THSD4: variants seen among roughly 807,000 people sequenced by gnomAD.
The protein encoded by THSD4 is thrombospondin type-1 domain-containing protein 4.
A neutral mutation model predicts 119.0 loss-of-function variants in THSD4; 69 were observed. The ratio of observed to expected loss-of-function variants is 0.58; its 90% CI spans 0.48 to 0.71. The LOEUF (loss-of-function observed/expected upper bound fraction) is 0.71, where lower values mean the gene tolerates loss of function less well. THSD4 is among the 30% of genes least tolerant of loss of function. The pLI, the probability that THSD4 is intolerant of heterozygous loss-of-function variation, is 0.00. For synonymous variants in THSD4, 524 were observed against 540.4 expected, an observed-to-expected ratio of 0.97 and a Z score of 0.42; for missense variants, 1,393 against 1,391.1, an observed-to-expected ratio of 1.00 and a Z score of -0.02.
Position 71,688,776 on chromosome 15 carries a change from T to G in THSD4, c.1357+28042T>G, listed in dbSNP as rs573184001. 2.2e-3 allele frequency among the ~76,000 whole-genome samples: 320 copies of G among 147,816 alleles called. 3 individuals carry two copies. Among genetic ancestry groups the G allele is most frequent in the African/African-American group, 7.3e-3 (294 of 40,034 alleles). The stretch of plus-strand genomic sequence containing the variant: ...GAGCAAGAGAGAGAAGAGAGAGAGG[T>G]GCCTGTAATTTTCTAAAACCTGTGT... On this transcript the variant is annotated intron_variant, in intron 8 of 17. Transcript: ENST00000261862.
chr15:71,731,131 A>G lies in THSD4; in HGVS notation c.1544A>G (p.Gln515Arg), dbSNP rs2052970114. 1 of 1,614,056 alleles carries G rather than the reference A, an allele frequency of 6.2e-7. No individual in the cohort carries two copies. The highest frequency in any genetic ancestry group is 8.5e-7 in the Non-Finnish European group (1 of 1,180,024). The change falls in exon 10 of 18, where the codon CAG becomes CGG. Residue 515 changes from glutamine (Q) to arginine (R), a missense_variant. Gln to Arg is a conservative substitution (Grantham distance 43, BLOSUM62 1). Transcript: ENST00000261862. ...TTTTTGTGTCAGCAGATGATACACC[A>G]GCAGCCAAACCCAGGCGTGCACTAC... ...NEILDVYMIH[Q>R]QPNPGVHYEY...
intron 7 of THSD4, among the ~76,000 whole-genome samples, chr15:71,634,237 T>C (rs2050693966): frequency 7.2e-6 from 1 of 137,978 alleles, no homozygotes; most frequent in South Asian, 2.4e-4. Context: ...AGTAGCCACC[T>C]CACTGGGTTG....
intron 8 of THSD4, among the ~76,000 whole-genome samples, chr15:71,676,437 A>G (rs1009651789): frequency 6.6e-6 from 1 of 152,054 alleles, no homozygotes; most frequent in African/African-American, 2.4e-5. Flanking sequence ...ATGCACCACC[A>G]TGCCTGGCTA....
intron 7 of THSD4, among the ~76,000 whole-genome samples, chr15:71,451,333 T>C (rs2047262152): frequency 2.6e-5 from 4 of 152,052 alleles, no homozygotes. Context: ...GGAGCGGAGG[T>C]GATTGTCTGG....
In THSD4 at chr15:71,777,432, T is replaced by C. The variant is rs1196922421; in HGVS notation, c.*58T>C. ...ACTGCCTTCCCGGGGGCTTCAGCAG[T>C]GCGCCTGGCTGGCTGCTGCTCCACC... On this transcript the variant is annotated 3_prime_UTR_variant, in exon 18 of 18. Transcript: ENST00000261862. 1.9e-6 allele frequency: 3 copies of C among 1,553,518 alleles called. No homozygotes were observed. The highest frequency in any genetic ancestry group is 2.6e-6 in the Non-Finnish European group (3 of 1,151,516).
At chr15:71,663,273 A>G (rs894874780) in intron 8 of THSD4, among the ~76,000 whole-genome samples, 8 of 152,052 alleles carry the variant, frequency 5.3e-5, no homozygotes, top group Non-Finnish European at 8.8e-5. Flanking sequence ...AAAAAGAAAA[A>G]AGTCAATGGA....
Position 71,215,311 on chromosome 15 carries a change from G to A in THSD4, c.376G>A (p.Gly126Ser), listed in dbSNP as rs2140250426. Residue 126 changes from glycine to serine, a missense_variant, in exon 4 of 18, where the codon GGT (glycine) becomes AGT (serine). Physicochemically the swap from Gly to Ser is moderately conservative, Grantham distance 56. Coordinates refer to ENST00000261862, the MANE Select transcript of THSD4 (RefSeq NM_024817.3). Reference protein sequence around the residue: ...RSRDETPALAGTDASRQGPTV... With the variant: ...RSRDETPALASTDASRQGPTV... The stretch of plus-strand genomic sequence containing the variant: ...CCGCGACGAGACGCCAGCGCTGGCC[G>A]GTACGGACGCCAGCCGCCAGGGCCC... 1 of 1,528,058 alleles carries A rather than the reference G, an allele frequency of 6.5e-7. No individual in the cohort carries two copies. The highest frequency in any genetic ancestry group is 8.7e-7 in the Non-Finnish European group (1 of 1,143,694). The allele number at this position is 1,528,058 out of a possible 1,614,324, so 94.7% of individuals were successfully genotyped here. A position where few individuals can be genotyped will look rare whatever the true frequency, so the allele number is the denominator to read the frequency against.
chr15:71,277,167 C>CGTG (rs1567178809), intron 6 of THSD4, among the ~76,000 whole-genome samples: 4 of 119,848 alleles, frequency 3.3e-5, no homozygotes, highest in African/African-American at 1.4e-4. Flanking sequence ...CTCTTGTCAC[C>CGTG]CAGGCTGGAG....
intron 6 of THSD4, among the ~76,000 whole-genome samples, chr15:71,279,617 G>T (rs964672566): frequency 2.0e-5 from 3 of 152,128 alleles, no homozygotes; most frequent in African/African-American, 7.2e-5. Flanking sequence ...TACCGCCCTG[G>T]CTTCTTGGGC....
intron 7 of THSD4, among the ~76,000 whole-genome samples, chr15:71,608,235 A>C (rs200071031): frequency 2.0e-5 from 1 of 50,984 alleles, no homozygotes; most frequent in Admixed American, 2.3e-4. Context: ...AAAAAAAAAA[A>C]AAATATATAT....
At position 71,777,220 on chromosome 15, in the gene THSD4, C is replaced by G; in HGVS notation, c.2915-12C>G. 6.2e-7 allele frequency: 1 copy of G among 1,614,186 alleles called. No homozygotes were observed. The highest frequency in any genetic ancestry group is 8.5e-7 in the Non-Finnish European group (1 of 1,180,012). ...GCTCAGGGAGTCTTCTGTTCATTCTCTTTCGCTACAGATGAAAACTGCAAG... is the reference window on the plus strand; with the variant it reads ...GCTCAGGGAGTCTTCTGTTCATTCTGTTTCGCTACAGATGAAAACTGCAAG... On this transcript the variant is annotated splice_polypyrimidine_tract_variant and intron_variant, in intron 17 of 17. Coordinates refer to ENST00000261862, the MANE Select transcript of THSD4 (RefSeq NM_024817.3).
At chr15:71,198,618 A>C (rs563559484) in intron 3 of THSD4, among the ~76,000 whole-genome samples, 4 of 152,316 alleles carry the variant, frequency 2.6e-5, no homozygotes, top group African/African-American at 9.6e-5. Context: ...AGAGGGTGTT[A>C]TGGGTCAGAA....
chr15:71,530,538 C>T (rs1352206677), intron 7 of THSD4, among the ~76,000 whole-genome samples: 2 of 152,126 alleles, frequency 1.3e-5, no homozygotes, highest in African/African-American at 2.4e-5. Context: ...GACATGCCCA[C>T]GTATTTAAAA....
intron 7 of THSD4, among the ~76,000 whole-genome samples, chr15:71,413,436 A>G (rs779754147): frequency 6.6e-6 from 1 of 152,078 alleles, no homozygotes; most frequent in Non-Finnish European, 1.5e-5. Context: ...AACCATCCTC[A>G]CTTTATAATC....
chr15:71,710,458 C>T (rs2052487800), intron 8 of THSD4, among the ~76,000 whole-genome samples: 1 of 152,130 alleles, frequency 6.6e-6, no homozygotes, highest in Non-Finnish European at 1.5e-5. Context: ...GATAAATGAC[C>T]ATGGACCTAA....
chr15:71,158,148 CTTTT>C (rs1193131967), intron 3 of THSD4, among the ~76,000 whole-genome samples: 2 of 85,002 alleles, frequency 2.4e-5, no homozygotes, highest in Admixed American at 1.4e-4. Flanking sequence ...CAACACTTAT[CTTTT>C]TTTTTTTTTT....
chr15:71,441,536 C>T (rs2047090691), intron 7 of THSD4, among the ~76,000 whole-genome samples: 1 of 147,064 alleles, frequency 6.8e-6, no homozygotes, highest in Non-Finnish European at 1.5e-5. Flanking sequence ...GCTGGGACTA[C>T]AGGTGTGCGC....
chr15:71,414,669 G>A (rs995687082), intron 7 of THSD4, among the ~76,000 whole-genome samples: 2 of 152,206 alleles, frequency 1.3e-5, no homozygotes, highest in African/African-American at 4.8e-5. Flanking sequence ...TCTATTAGCT[G>A]ATGATATAAA....
In THSD4 at chr15:71,781,128, GT is replaced by G. The variant is rs2053992015; in HGVS notation, c.*3757del. 4 of 187,116 alleles carry G rather than the reference GT, an allele frequency of 2.1e-5. No homozygotes were observed. The Admixed American group carries it at 2.2e-4, about 10-fold the overall frequency. 11.6% of individuals were successfully genotyped at this position (187,116 alleles called of 1,614,324 possible). On this transcript the variant is annotated 3_prime_UTR_variant, in exon 18 of 18. Coordinates refer to ENST00000261862, the MANE Select transcript of THSD4 (RefSeq NM_024817.3). ...TTGCCATATAAAACATTTTAATATG[GT>G]TTACATGGGAAAATATCGATGGCTT...
Sources: gnomAD v4.1 joint callset for allele counts (sites outside exome capture counted in the v4.1 genomes callset) on GRCh38, gnomAD v4.1.1 for gene constraint, MANE v1.5 for transcripts, NCBI Gene and HGNC (gene_info 2026-07-23, HGNC 2026-07-21) for gene names.